The following MELK variants were observed in gnomAD, a reference collection of about 807,000 sequenced individuals.
MELK encodes pEg3 kinase.
A neutral mutation model predicts 85.0 loss-of-function variants in MELK; 81 were observed. The ratio of observed to expected loss-of-function variants is 0.95; its 90% CI spans 0.80 to 1.15. The LOEUF is 1.15. Ranked by LOEUF, MELK falls within the 50% of genes most tolerant of loss-of-function variation. The probability of loss-of-function intolerance (pLI) is 0.00; values close to 1 mark genes in which losing one functional copy is unlikely to be tolerated. For synonymous variants in MELK, 252 were observed against 265.0 expected (o/e 0.95, Z 0.48); for missense variants, 754 against 777.5 (o/e 0.97, Z 0.36).
At chr9:36,645,039 C>A (rs143266346) in intron 11 of MELK, among the ~76,000 whole-genome samples, 102 of 152,064 alleles carry the variant, frequency 6.7e-4, no homozygotes, top group African/African-American at 2.4e-3. Flanking sequence ...GAGTCCGAGG[C>A]GGGCGGATCA....
intron 11 of MELK, among the ~76,000 whole-genome samples, chr9:36,643,318 G>C (rs1829932806): frequency 6.6e-6 from 1 of 152,096 alleles, no homozygotes; most frequent in Non-Finnish European, 1.5e-5. Flanking sequence ...GGGAGGCAGA[G>C]GTTGCAGTGA....
chr9:36,622,116 C>G (rs1221523604), intron 8 of MELK, among the ~76,000 whole-genome samples: 1 of 152,170 alleles, frequency 6.6e-6, no homozygotes, highest in East Asian at 1.9e-4. Context: ...GTTTCTCCTA[C>G]TCTGAATTTC....
chr9:36,654,450 G>C lies in MELK; in HGVS notation c.1053+2573G>C, dbSNP rs949083205. On this transcript the variant is annotated intron_variant, in intron 12 of 17. Coordinates refer to ENST00000298048, the MANE Select transcript of MELK (RefSeq NM_014791.4). ...GGCTCGCTGCAACCTCCGCCTCCTG[G>C]GTTCAAGTGATTCTCCTGCCTCATT... Among the ~76,000 whole-genome samples, 4 of 147,920 alleles carry C rather than the reference G, an allele frequency of 2.7e-5. No homozygotes were observed. In the Admixed American group the frequency reaches 2.8e-4, roughly 10 times the overall value.
chr9:36,648,608 T>C (rs1428881693), intron 11 of MELK, among the ~76,000 whole-genome samples: 1 of 152,220 alleles, frequency 6.6e-6, no homozygotes, highest in Non-Finnish European at 1.5e-5. Context: ...CCATCTCAAA[T>C]TCCCTTCCCT....
chr9:36,636,153 A>G (rs1353916604), intron 10 of MELK, among the ~76,000 whole-genome samples: 2 of 152,008 alleles, frequency 1.3e-5, no homozygotes, highest in Non-Finnish European at 2.9e-5. Context: ...TAGGACTTGG[A>G]TATTTTGTGT....
chr9:36,598,921 T>C (rs1824599556), intron 6 of MELK, among the ~76,000 whole-genome samples: 1 of 152,226 alleles, frequency 6.6e-6, no homozygotes, highest in Non-Finnish European at 1.5e-5. Context: ...CACACATGTA[T>C]ACAGAGTATT....
intron 7 of MELK, among the ~76,000 whole-genome samples, chr9:36,603,664 G>T (rs1160924881): frequency 6.6e-6 from 1 of 151,958 alleles, no homozygotes; most frequent in African/African-American, 2.4e-5. Context: ...GAACTCCTGG[G>T]CCTAAGTGAT....
At chr9:36,612,457 C>T (rs1375132519) in intron 8 of MELK, among the ~76,000 whole-genome samples, 1 of 152,174 alleles carries the variant, frequency 6.6e-6, no homozygotes, top group Non-Finnish European at 1.5e-5. Flanking sequence ...GCCATCTTGG[C>T]TCACTGCAAG....
intron 4 of MELK, among the ~76,000 whole-genome samples, chr9:36,589,897 C>G (rs376318465): frequency 2.7e-5 from 4 of 150,726 alleles, no homozygotes; most frequent in African/African-American, 9.8e-5. Flanking sequence ...AGAATTTTCT[C>G]CTAGAGGGAA....
chr9:36,668,996 A>G (rs1832640873), intron 14 of MELK, among the ~76,000 whole-genome samples: 1 of 152,182 alleles, frequency 6.6e-6, no homozygotes, highest in Non-Finnish European at 1.5e-5. Flanking sequence ...AGAATCAGTA[A>G]TTATGAGATT....
intron 8 of MELK, among the ~76,000 whole-genome samples, chr9:36,613,094 G>A (rs1451250621): frequency 6.6e-6 from 1 of 152,070 alleles, no homozygotes; most frequent in Non-Finnish European, 1.5e-5. Context: ...TGCCTCACTT[G>A]TGCCACCCAC....
chr9:36,638,319 C>T (rs554086409), intron 10 of MELK, among the ~76,000 whole-genome samples: 4 of 151,980 alleles, frequency 2.6e-5, no homozygotes, highest in African/African-American at 9.6e-5. Context: ...GAGTTTCGTT[C>T]TTGTTGCCCA....
chr9:36,623,609 C>T (rs1193445553), intron 8 of MELK, among the ~76,000 whole-genome samples: 1 of 152,210 alleles, frequency 6.6e-6, no homozygotes, highest in African/African-American at 2.4e-5. Flanking sequence ...CGATGTGTAC[C>T]TTACCAGACA....
chr9:36,664,501 G>A (rs1832148906), intron 13 of MELK, among the ~76,000 whole-genome samples: 1 of 152,096 alleles, frequency 6.6e-6, no homozygotes, highest in South Asian at 2.1e-4. Context: ...TTAGGCTTGA[G>A]GTTTCTGGGA....
intron 11 of MELK, among the ~76,000 whole-genome samples, chr9:36,649,947 A>AATTTATTT: frequency 6.6e-6 from 1 of 151,610 alleles, no homozygotes; most frequent in East Asian, 1.9e-4. Flanking sequence ...TAAATTAATT[A>AATTTATTT]ATTTATTTAT....
chr9:36,671,573 G>A (rs1471549583), intron 16 of MELK, among the ~76,000 whole-genome samples: 1 of 152,182 alleles, frequency 6.6e-6, no homozygotes, highest in African/African-American at 2.4e-5. Context: ...GGAACTTTGA[G>A]TGTGGTGTGT....
intron 11 of MELK, among the ~76,000 whole-genome samples, chr9:36,647,331 G>A (rs568106564): frequency 3.3e-4 from 50 of 152,110 alleles, no homozygotes; most frequent in Non-Finnish European, 5.3e-4. Context: ...TTTCAAAAAG[G>A]TGGCTATCGT....
chr9:36,606,414 A>G (rs1279588154), intron 7 of MELK, among the ~76,000 whole-genome samples: 3 of 126,514 alleles, frequency 2.4e-5, no homozygotes, highest in Non-Finnish European at 4.7e-5. Context: ...AGGTGTGTGT[A>G]TATATATACA....
chr9:36,635,449 A>G (rs1360734660), intron 10 of MELK, among the ~76,000 whole-genome samples: 1 of 152,034 alleles, frequency 6.6e-6, no homozygotes, highest in Non-Finnish European at 1.5e-5. Flanking sequence ...TTTTTAGTAG[A>G]GATGGGATTT....
Sources: gnomAD v4.1 joint callset for allele counts (sites outside exome capture counted in the v4.1 genomes callset) on GRCh38, gnomAD v4.1.1 for gene constraint, MANE v1.5 for transcripts, NCBI Gene and HGNC (gene_info 2026-07-23, HGNC 2026-07-21) for gene names.